The following POLB variants were observed in gnomAD, a reference collection of about 807,000 sequenced individuals.
POLB encodes 5'-dRP lyase.
In POLB, 37 loss-of-function variants were observed where a neutral mutation model predicts 52.7. That is an observed-to-expected ratio of 0.70 (90% CI 0.54 to 0.92). The LOEUF (loss-of-function observed/expected upper bound fraction) is 0.92, where lower values mean the gene tolerates loss of function less well. Ranked by LOEUF, POLB falls within the 40% of genes least tolerant of loss-of-function variation. The probability of loss-of-function intolerance (pLI) is 0.00; values close to 1 mark genes in which losing one functional copy is unlikely to be tolerated. For synonymous variants in POLB, 138 were observed against 131.3 expected (o/e 1.05, Z -0.35); for missense variants, 313 against 400.8 (o/e 0.78, Z 1.87).
In POLB at chr8:42,355,580, AT is replaced by A; in HGVS notation, c.422+17del. 1 of 1,563,394 alleles carries A rather than the reference AT, an allele frequency of 6.4e-7. No individual in the cohort carries two copies. The highest frequency in any genetic ancestry group is 8.8e-7 in the Non-Finnish European group (1 of 1,136,366). ...GAATTGGGCTGAAGTAAGATGGCAG[AT>A]TTTCTTTTGACACTTGAGATATAAA... On this transcript the variant is annotated intron_variant, in intron 7 of 13. Coordinates refer to ENST00000265421, the MANE Select transcript of POLB (RefSeq NM_002690.3).
At position 42,361,563 on chromosome 8, in the gene POLB, A is replaced by G. The variant is rs3136773; in HGVS notation, c.621+198A>G. On this transcript the variant is annotated intron_variant, in intron 10 of 13. Coordinates refer to ENST00000265421, the MANE Select transcript of POLB (RefSeq NM_002690.3). ...TATTATTCTTCCATGAGTTGCTGGGAGGACAGTCTAACATTTGAAAGAGAA... is the reference window on the plus strand; with the variant it reads ...TATTATTCTTCCATGAGTTGCTGGGGGGACAGTCTAACATTTGAAAGAGAA... 747 of 570,000 alleles carry G rather than the reference A, an allele frequency of 1.3e-3. 4 individuals carry two copies. Among genetic ancestry groups the G allele is most frequent in the African/African-American group, 4.7e-3 (252 of 53,296 alleles). 35.3% of individuals were successfully genotyped at this position (570,000 alleles called of 1,614,324 possible).
intron 6 of POLB, among the ~76,000 whole-genome samples, chr8:42,353,053 G>T (rs1160671515): frequency 6.7e-6 from 1 of 149,834 alleles, no homozygotes; most frequent in African/African-American, 2.5e-5. Flanking sequence ...CAGCCTGGGT[G>T]ACAGAGTAAG....
intron 11 of POLB, among the ~76,000 whole-genome samples, chr8:42,367,167 C>T (rs1824092357): frequency 6.6e-6 from 1 of 152,164 alleles, no homozygotes; most frequent in African/African-American, 2.4e-5. Flanking sequence ...GTTCTCGAAG[C>T]TTGGGATGTA....
In POLB at chr8:42,364,717, A is replaced by G. The variant is rs192617442; in HGVS notation, c.708+2019A>G. ...TTTGACAAGAGTTTTAGCCAAAACT[A>G]GAAGATAGTTGAGAAAGATAATTAA... is the stretch of plus-strand genomic sequence containing the variant. On this transcript the variant is annotated intron_variant, in intron 11 of 13. Coordinates refer to ENST00000265421, the MANE Select transcript of POLB (RefSeq NM_002690.3). 1.1e-3 allele frequency among the ~76,000 whole-genome samples: 168 copies of G among 152,352 alleles called. 1 individual carries two copies. The highest frequency in any genetic ancestry group is 3.8e-3 in the African/African-American group (160 of 41,588).
At chr8:42,369,375 A>C in intron 12 of POLB, 40 bp downstream of exon 12, 2 of 1,218,904 alleles carry the variant, frequency 1.6e-6, no homozygotes, top group Non-Finnish European at 1.2e-6. Context: ...TAACTTTTCC[A>C]AACTTGTCTC....
At chr8:42,356,123 A>G (rs755424120) in intron 7 of POLB, among the ~76,000 whole-genome samples, 8 of 152,364 alleles carry the variant, frequency 5.3e-5, no homozygotes, top group Non-Finnish European at 1.2e-4. Flanking sequence ...TTACAGTTAT[A>G]GTGCATAAGC....
At chr8:42,355,359 GCT>G in intron 6 of POLB, 155 bp from the exon 7 acceptor site, 2 of 589,126 alleles carry the variant, frequency 3.4e-6, no homozygotes, top group Non-Finnish European at 6.3e-6. Context: ...CTTTTATCTA[GCT>G]CTTCATATCT....
At chr8:42,361,387 A>G (rs1430912686) in intron 10 of POLB, 22 bp downstream of exon 10, 5 of 1,462,848 alleles carry the variant, frequency 3.4e-6, no homozygotes, top group East Asian at 2.3e-5. Flanking sequence ...TTTATAATCA[A>G]TGGTGATCAG....
chr8:42,353,333 G>A (rs990779250), intron 6 of POLB, among the ~76,000 whole-genome samples: 2 of 151,290 alleles, frequency 1.3e-5, no homozygotes, highest in Non-Finnish European at 2.9e-5. Context: ...GGATGGTCTC[G>A]GTCTGACCTT....
chr8:42,351,611 T>C (rs939292707), intron 5 of POLB, among the ~76,000 whole-genome samples: 28 of 152,380 alleles, frequency 1.8e-4, no homozygotes, highest in African/African-American at 5.3e-4. Flanking sequence ...TCCTTCCTTA[T>C]GAAATAAGAG....
intron 3 of POLB, among the ~76,000 whole-genome samples, chr8:42,345,289 G>A (rs188201499): frequency 5.6e-4 from 86 of 152,244 alleles, no homozygotes; most frequent in Admixed American, 2.7e-3. Flanking sequence ...ATGTACTCAC[G>A]TTGAATTTCA....
chr8:42,367,708 G>A (rs543776104), intron 11 of POLB, among the ~76,000 whole-genome samples: 1 of 152,194 alleles, frequency 6.6e-6, no homozygotes, highest in South Asian at 2.1e-4. Context: ...TCAAACCTTA[G>A]GAAAGCCATG....
Position 42,369,975 on chromosome 8 carries a change from C to T in POLB, c.900C>T (p.Pro300=), listed in dbSNP as rs1266456543. 2 of 1,609,362 alleles carry T rather than the reference C, an allele frequency of 1.2e-6. No individual in the cohort carries two copies. Among genetic ancestry groups the T allele is most frequent in the Non-Finnish European group, 1.7e-6 (2 of 1,176,150 alleles). ...GFTINEYTIR[P]LGVTGVAGEP... is the part of the protein sequence containing the mutation. ...CAATCAATGAGTACACCATCCGTCC[C>T]TTGGGAGTCACTGGTGAGTGTCCAT... Residue 300 remains proline, a synonymous_variant, in exon 13 of 14, where the codon CCC becomes CCT. Coordinates refer to ENST00000265421, the MANE Select transcript of POLB (RefSeq NM_002690.3).
chr8:42,370,725 T>C (rs1824328691), intron 13 of POLB, among the ~76,000 whole-genome samples: 3 of 152,140 alleles, frequency 2.0e-5, no homozygotes, highest in East Asian at 3.8e-4. Flanking sequence ...CTGGGTCACA[T>C]TGGAAGAAGA....
At chr8:42,355,382 T>C (rs895961624) in intron 6 of POLB, 134 bp from the exon 7 acceptor site, 2 of 622,748 alleles carry the variant, frequency 3.2e-6, no homozygotes, top group African/African-American at 3.7e-5. Context: ...GAAATTTTTG[T>C]CTCATTGTGT....
chr8:42,367,174 T>TTTAAGTAAATTCCCAA (rs1824092928), intron 11 of POLB, among the ~76,000 whole-genome samples: 2 of 152,208 alleles, frequency 1.3e-5, no homozygotes, highest in Admixed American at 1.3e-4. Context: ...AAGCTTGGGA[T>TTTAAGTAAATTCCCAA]GTATCCATGA....
intron 7 of POLB, among the ~76,000 whole-genome samples, chr8:42,356,256 TGAGCCAGTGA>T (rs1264410652): frequency 6.6e-6 from 1 of 152,218 alleles, no homozygotes; most frequent in East Asian, 1.9e-4. Context: ...TCCAAAATCT[TGAGCCAGTGA>T]GAGACCTGGA....
At chr8:42,350,889 G>A (rs1442204411) in intron 5 of POLB, among the ~76,000 whole-genome samples, 1 of 147,774 alleles carries the variant, frequency 6.8e-6, no homozygotes, top group Non-Finnish European at 1.5e-5. Flanking sequence ...TTTTTTTTTA[G>A]AGATAGTGTC....
intron 3 of POLB, among the ~76,000 whole-genome samples, chr8:42,346,792 G>A (rs1388695539): frequency 2.0e-5 from 3 of 152,114 alleles, no homozygotes; most frequent in Non-Finnish European, 4.4e-5. Context: ...TTCAACATGT[G>A]CCACATCTTA....
Sources: gnomAD v4.1 joint callset for allele counts (sites outside exome capture counted in the v4.1 genomes callset) on GRCh38, gnomAD v4.1.1 for gene constraint, MANE v1.5 for transcripts, NCBI Gene and HGNC (gene_info 2026-07-23, HGNC 2026-07-21) for gene names.